Variants in MYO1A observed in about 807,000 individuals in gnomAD.
The protein encoded by MYO1A is myosin IA.
Under a neutral mutation model 138.5 loss-of-function variants are expected in MYO1A, and 127 were observed. The ratio of observed to expected loss-of-function variants is 0.92; its 90% CI spans 0.79 to 1.06. The LOEUF (loss-of-function observed/expected upper bound fraction) is 1.06. Ranked by LOEUF, MYO1A falls within the 50% of genes least tolerant of loss-of-function variation. The pLI, the probability that MYO1A is intolerant of heterozygous loss-of-function variation, is 0.00. For synonymous variants in MYO1A, 477 were observed against 497.5 expected (o/e 0.96, Z 0.55); for missense variants, 1,211 against 1,288.8 (o/e 0.94, Z 0.92).
In MYO1A at chr12:57,041,344, G is replaced by C. The variant is rs1000121527; in HGVS notation, c.1165-56C>G. The C allele has an allele frequency of 6.3e-6, 10 of 1,593,630 alleles. No individual in the cohort carries two copies. The East Asian group carries it at 2.0e-4, about 32-fold the overall frequency. On this transcript the variant is annotated intron_variant, in intron 13 of 27. Coordinates refer to ENST00000300119, the MANE Select transcript of MYO1A (RefSeq NM_005379.4). ...ACTCCAAGACTGTTTCTCCGTCTCA[G>C]TCCTACCTCCCCTCCCTCACATCCC... is the stretch of plus-strand genomic sequence containing the variant.
At position 57,043,092 on chromosome 12, in the gene MYO1A, G is replaced by C. The variant is rs765748687; in HGVS notation, c.1078C>G (p.Arg360Gly). ...YSRLFDWIVN[R>G]INESIKVGIG... is the part of the protein sequence containing the mutation. ...CTTGCCTTGATGCTCTCATTGATTC[G>C]ATTCACTATCCAGTCAAAGAGGCGG... Residue 360 changes from arginine (R) to glycine (G), a missense_variant, in exon 12 of 28, where the codon CGA becomes GGA. Transcript: ENST00000300119. 2 of 1,614,018 alleles carry C rather than the reference G, an allele frequency of 1.2e-6. No individual in the cohort carries two copies.
chr12:57,043,863 A>T lies in MYO1A; in HGVS notation c.885T>A (p.Asp295Glu). ...ASGIPASGIR[D>E]GRGVREIGEM... is the part of the protein sequence containing the mutation. Reference sequence around the variant, plus strand: ...GCAGGCTGGGATGCAGACCTCTCCCATCACGGATGCCACTTGCTGGTATCC... The same window carrying T: ...GCAGGCTGGGATGCAGACCTCTCCCTTCACGGATGCCACTTGCTGGTATCC... Residue 295 changes from aspartate to glutamate, a missense_variant, in exon 10 of 28, where the codon GAT becomes GAA. Transcript: ENST00000300119. The T allele has an allele frequency of 6.2e-7, 1 of 1,614,104 alleles. No individual in the cohort carries two copies. Among genetic ancestry groups the T allele is most frequent in the Non-Finnish European group, 8.5e-7 (1 of 1,179,998 alleles).
rs1167114820 is a variant in MYO1A, at chr12:57,029,555, G to A, written c.2757C>T (p.Gly919=). The A allele has an allele frequency of 6.2e-7, 1 of 1,614,132 alleles. No individual in the cohort carries two copies. Residue 919 remains glycine, a synonymous_variant, in exon 26 of 28, where the codon GGC becomes GGT. Coordinates refer to ENST00000300119, the MANE Select transcript of MYO1A (RefSeq NM_005379.4). ...TSSRILLLTK[G]HVILTDTKKS... Reference sequence around the variant, plus strand: ...TCTTGGTGTCTGTGAGAATCACATGGCCCTTGGTCAGGAGGAGAATCCGAG... The same window carrying A: ...TCTTGGTGTCTGTGAGAATCACATGACCCTTGGTCAGGAGGAGAATCCGAG...
At position 57,038,966 on chromosome 12, in the gene MYO1A, C is replaced by T. The variant is rs748834839; in HGVS notation, c.1376G>A (p.Arg459Gln). Residue 459 changes from arginine to glutamine, a missense_variant, in exon 16 of 28, where the codon CGG becomes CAG. Arg to Gln is a conservative substitution (Grantham distance 43, BLOSUM62 1). Transcript: ENST00000300119. ...AGTGGAGTCACTGACCACCCCAGGC[C>T]GCAGGCACTCCTCATCCAACATGGC... ...ILAMLDEECL[R>Q]PGVVSDSTFL... 2.1e-5 allele frequency: 34 copies of T among 1,614,028 alleles called. No homozygotes were observed. The highest frequency in any genetic ancestry group is 8.9e-5 in the East Asian group (4 of 44,878).
chr12:57,038,250 C>A (rs942988999), intron 17 of MYO1A, among the ~76,000 whole-genome samples, 162 bp downstream of exon 17: 1 of 152,238 alleles, frequency 6.6e-6, no homozygotes, highest in African/African-American at 2.4e-5. Context: ...GATGCTCTCC[C>A]CCTGTGGGAC....
chr12:57,046,791 A>G, intron 7 of MYO1A, 72 bp downstream of exon 7: 1 of 1,558,386 alleles, frequency 6.4e-7, no homozygotes, highest in Non-Finnish European at 8.9e-7. Flanking sequence ...GCCTTTCTAC[A>G]GGAACAGATT....
intron 8 of MYO1A, among the ~76,000 whole-genome samples, chr12:57,045,871 G>A (rs1295201192): frequency 1.3e-5 from 2 of 151,586 alleles, no homozygotes; most frequent in Non-Finnish European, 2.9e-5. Context: ...ATAGCCAGCT[G>A]CACAGGCCTG....
At position 57,043,966 on chromosome 12, in the gene MYO1A, A is replaced by C; in HGVS notation, c.782T>G (p.Ile261Ser). 1 of 1,614,134 alleles carries C rather than the reference A, an allele frequency of 6.2e-7. No homozygotes were observed. Among genetic ancestry groups the C allele is most frequent in the Non-Finnish European group, 8.5e-7 (1 of 1,180,014 alleles). Residue 261 changes from isoleucine to serine, a missense_variant, in exon 10 of 28, where the codon ATT becomes AGT. Coordinates refer to ENST00000300119, the MANE Select transcript of MYO1A (RefSeq NM_005379.4). ...GGATGTCACCTCTAGCACTTGTCGA[A>C]TCTCCTCCTCCGAGAACCCAATCAC... ...MAVIGFSEEEIRQVLEVTSMV... is the reference protein window; with the variant it reads ...MAVIGFSEEESRQVLEVTSMV...
At chr12:57,031,534 C>A (rs1389981016) in intron 22 of MYO1A, among the ~76,000 whole-genome samples, 1 of 152,200 alleles carries the variant, frequency 6.6e-6, no homozygotes, top group Non-Finnish European at 1.5e-5. Flanking sequence ...GTGGCAGCCA[C>A]TGTCTGTGTC....
rs201422885 is a variant in MYO1A, at chr12:57,043,353, G to A, written c.898C>T (p.Arg300Trp). 42 of 1,613,430 alleles carry A rather than the reference G, an allele frequency of 2.6e-5. No homozygotes were observed. The Admixed American group carries it at 3.8e-4, about 15-fold the overall frequency. The change falls in exon 11 of 28, where the codon CGG becomes TGG. Residue 300 changes from arginine to tryptophan, a missense_variant. Transcript: ENST00000300119. ...ASGIRDGRGV[R>W]EIGEMVGLNS... Reference sequence around the variant, plus strand: ...AAGCCCACCATCTCCCCAATCTCCCGAACACCTGGGATAATGAGAAAGTAC... The same window carrying A: ...AAGCCCACCATCTCCCCAATCTCCCAAACACCTGGGATAATGAGAAAGTAC...
At chr12:57,030,413 A>G in intron 23 of MYO1A, 97 bp from the exon 24 acceptor site, 1 of 1,014,618 alleles carries the variant, frequency 9.9e-7, no homozygotes, top group Admixed American at 1.8e-5. Flanking sequence ...CTAGGAGAGG[A>G]GAGAGACTGA....
rs2030591492 is a variant in MYO1A, at chr12:57,037,055, G to A, written c.2092C>T (p.Gln698Ter). Residue 698 changes from glutamine to a stop codon, truncating the protein, a stop_gained, in exon 20 of 28, where the codon CAG becomes TAG. Coordinates refer to ENST00000300119, the MANE Select transcript of MYO1A (RefSeq NM_005379.4). LOFTEE classifies it high-confidence loss of function. ...TTCTGTATGAGTGTGGCCAGCTGCT[G>A]GAGTCTCAGGCGCCTCTGTTCTTCG... The part of the protein sequence containing the change: ...YLEEQRRLRL[Q>*]QLATLIQKIY... 1 of 1,614,012 alleles carries A rather than the reference G, an allele frequency of 6.2e-7. No homozygotes were observed. The highest frequency in any genetic ancestry group is 8.5e-7 in the Non-Finnish European group (1 of 1,180,032).
chr12:57,046,544 G>T lies in MYO1A; in HGVS notation c.640+8C>A, dbSNP rs746108183. 10 of 1,609,600 alleles carry T rather than the reference G, an allele frequency of 6.2e-6. No homozygotes were observed. The highest frequency in any genetic ancestry group is 2.7e-5 in the African/African-American group (2 of 74,792). On this transcript the variant is annotated splice_region_variant and intron_variant, in intron 8 of 27. Transcript: ENST00000300119. ...TCATGAGGACACTTTCCCCATGCAG[G>T]CACATACTCAGCAGCTGTTCATCTG...
intron 8 of MYO1A, among the ~76,000 whole-genome samples, chr12:57,046,162 CAA>C (rs1555168065): frequency 1.3e-5 from 2 of 152,192 alleles, no homozygotes; most frequent in Admixed American, 1.3e-4. Context: ...TGAACACTTA[CAA>C]CATTCTGCCT....
At chr12:57,029,059 G>A (rs998607439) in intron 27 of MYO1A, 73 bp downstream of exon 27, 10 of 1,612,868 alleles carry the variant, frequency 6.2e-6, no homozygotes, top group Non-Finnish European at 8.5e-6. Flanking sequence ...TTCGCTTTCT[G>A]ATCCTGGTCA....
rs142772948 is a variant in MYO1A at position 57,046,918 on chromosome 12, G to A, written c.486C>T (p.Tyr162=). The change falls in exon 7 of 28, where the codon TAC becomes TAT. Residue 162 remains tyrosine (Y), a synonymous_variant. Coordinates refer to ENST00000300119, the MANE Select transcript of MYO1A (RefSeq NM_005379.4). ...CCTTGAAGTCAAATTCAATATCCAT[G>A]TATTTTCCCTTCAGAGAGAGACCAG... The part of the protein sequence containing the change: ...RNNNSSRFGK[Y]MDIEFDFKGS... The A allele has an allele frequency of 3.7e-6, 6 of 1,613,932 alleles. No homozygotes were observed. In the African/African-American group the frequency reaches 6.7e-5, roughly 18 times the overall value.
At position 57,036,321 on chromosome 12, in the gene MYO1A, T is replaced by C. The variant is rs746470306; in HGVS notation, c.2335A>G (p.Ile779Val). 2.4e-5 allele frequency: 38 copies of C among 1,613,676 alleles called. No homozygotes were observed. The Admixed American group carries it at 5.8e-4, about 25-fold the overall frequency. ...CTACCACTTACCATGCTCTTGTAGATGAAATCTGCCAAGGTGAGGGCAGCC... is the reference window on the plus strand; with the variant it reads ...CTACCACTTACCATGCTCTTGTAGACGAAATCTGCCAAGGTGAGGGCAGCC... Reference protein sequence around the residue: ...SEAALTLADFIYKSMVQKFLL... With the variant: ...SEAALTLADFVYKSMVQKFLL... The change falls in exon 22 of 28, where the codon ATC becomes GTC. Residue 779 changes from isoleucine (I) to valine (V), a missense_variant. Ile to Val is a conservative substitution (Grantham distance 29). Transcript: ENST00000300119.
At chr12:57,038,112 T>C in intron 17 of MYO1A, 43 bp from the exon 18 acceptor site, 1 of 1,599,688 alleles carries the variant, frequency 6.3e-7, no homozygotes. Flanking sequence ...GGAGCTGACA[T>C]CATTGCCAGT....
intron 23 of MYO1A, 25 bp downstream of exon 23, chr12:57,031,012 AGAG>A: frequency 6.2e-7 from 1 of 1,610,828 alleles, no homozygotes; most frequent in Non-Finnish European, 8.5e-7. Context: ...AGACGAAATG[AGAG>A]GAGGGGTGCC....
Sources: allele counts gnomAD v4.1 joint callset (sites outside exome capture counted in the v4.1 genomes callset), GRCh38; gene constraint gnomAD v4.1.1; transcripts MANE v1.5; gene names NCBI Gene and HGNC (gene_info 2026-07-23, HGNC 2026-07-21).